MDFIC2: variants seen among roughly 807,000 people sequenced by gnomAD.
The protein encoded by MDFIC2 is MyoD family inhibitor domain containing 2, also known as myoD family inhibitor domain-containing protein 2.
chr3:70,270,304 A>T (rs759883568), intron 2 of MDFIC2, among the ~76,000 whole-genome samples: 84 of 152,346 alleles, frequency 5.5e-4, no homozygotes, highest in Non-Finnish European at 1.0e-3. Context: ...AAGCATGGGA[A>T]ATAAATAAAA....
intron 2 of MDFIC2, among the ~76,000 whole-genome samples, chr3:70,243,458 A>G (rs1701679406): frequency 6.6e-6 from 1 of 152,106 alleles, no homozygotes; most frequent in South Asian, 2.1e-4. Flanking sequence ...AGTTGCTTAA[A>G]TCCTACTCAC....
At chr3:70,266,543 G>C (rs1325505001) in intron 2 of MDFIC2, among the ~76,000 whole-genome samples, 5 of 152,032 alleles carry the variant, frequency 3.3e-5, no homozygotes, top group Non-Finnish European at 5.9e-5. Context: ...TCCTGCCTCA[G>C]CCTCCCGAGT....
intron 2 of MDFIC2, among the ~76,000 whole-genome samples, chr3:70,252,904 AC>A (rs1326461095): frequency 6.6e-6 from 1 of 151,834 alleles, no homozygotes; most frequent in East Asian, 1.9e-4. Flanking sequence ...ACATCGTGAA[AC>A]CCCCTCTCTA....
intron 2 of MDFIC2, among the ~76,000 whole-genome samples, chr3:70,304,346 C>A (rs534877446): frequency 6.6e-6 from 1 of 152,320 alleles, no homozygotes; most frequent in South Asian, 2.1e-4. Context: ...AATCTCAAGA[C>A]TTCTCTTGTC....
intron 2 of MDFIC2, among the ~76,000 whole-genome samples, chr3:70,221,667 A>G (rs1435660654): frequency 1.6e-4 from 24 of 152,160 alleles, no homozygotes; most frequent in East Asian, 1.9e-4. Flanking sequence ...ATGACAAGTG[A>G]CTGGTCAATG....
At chr3:70,238,762 G>A (rs907543664) in intron 2 of MDFIC2, among the ~76,000 whole-genome samples, 1 of 151,892 alleles carries the variant, frequency 6.6e-6, no homozygotes, top group Non-Finnish European at 1.5e-5. Context: ...GTCTCCATCT[G>A]GACATCCTAG....
At chr3:70,283,596 T>A (rs1385374117) in intron 2 of MDFIC2, 4 of 152,076 alleles carry the variant, frequency 2.6e-5, no homozygotes, top group Non-Finnish European at 4.4e-5. Context: ...CTTGGTTGTG[T>A]CCACCACCTA....
At chr3:70,274,763 T>C (rs980707408) in intron 2 of MDFIC2, among the ~76,000 whole-genome samples, 3 of 152,076 alleles carry the variant, frequency 2.0e-5, no homozygotes, top group Non-Finnish European at 4.4e-5. Flanking sequence ...TTAAAACAAA[T>C]ATAAAAATAT....
At chr3:70,234,511 T>C (rs560445101) in intron 2 of MDFIC2, among the ~76,000 whole-genome samples, 1 of 152,102 alleles carries the variant, frequency 6.6e-6, no homozygotes, top group Admixed American at 6.5e-5. Context: ...CAGCCAGGCA[T>C]GGTGGCATGC....
chr3:70,197,989 T>A (rs748482450), intron 3 of MDFIC2, among the ~76,000 whole-genome samples: 7 of 152,180 alleles, frequency 4.6e-5, no homozygotes, highest in Admixed American at 2.0e-4. Context: ...GGTTATAGAT[T>A]ATTATGTTTT....
intron 2 of MDFIC2, among the ~76,000 whole-genome samples, chr3:70,220,886 G>C (rs1701455954): frequency 6.6e-6 from 1 of 152,162 alleles, no homozygotes; most frequent in Non-Finnish European, 1.5e-5. Flanking sequence ...TCAGGGAGGG[G>C]AACCATGCCT....
chr3:70,301,245 TA>T, intron 2 of MDFIC2, among the ~76,000 whole-genome samples: 1 of 152,192 alleles, frequency 6.6e-6, no homozygotes, highest in South Asian at 2.1e-4. Context: ...CTGAGTCCAT[TA>T]AAAACAAAAC....
At chr3:70,247,139 C>T (rs1341915914) in intron 2 of MDFIC2, among the ~76,000 whole-genome samples, 1 of 151,802 alleles carries the variant, frequency 6.6e-6, no homozygotes, top group Non-Finnish European at 1.5e-5. Context: ...TGAATTTATT[C>T]TTGGCCATTG....
intron 2 of MDFIC2, among the ~76,000 whole-genome samples, chr3:70,302,017 G>A (rs555033306): frequency 9.5e-4 from 144 of 152,142 alleles, no homozygotes; most frequent in African/African-American, 3.4e-3. Context: ...ATATTGGTGT[G>A]GAAATTTAGC....
intron 2 of MDFIC2, among the ~76,000 whole-genome samples, chr3:70,209,275 G>C (rs1701319486): frequency 6.6e-6 from 1 of 151,998 alleles, no homozygotes; most frequent in African/African-American, 2.4e-5. Flanking sequence ...GATGCTAGTA[G>C]CACCTGACCC....
At chr3:70,295,638 G>A (rs1468581015) in intron 2 of MDFIC2, among the ~76,000 whole-genome samples, 1 of 152,114 alleles carries the variant, frequency 6.6e-6, no homozygotes, top group African/African-American at 2.4e-5. Flanking sequence ...CCTGCAGTGA[G>A]CTGTGATTGT....
At chr3:70,297,931 T>C (rs1376261984) in intron 2 of MDFIC2, among the ~76,000 whole-genome samples, 2 of 152,144 alleles carry the variant, frequency 1.3e-5, no homozygotes, top group Admixed American at 6.6e-5. Context: ...TTAAAGCTTT[T>C]AGAGAGTGGT....
chr3:70,287,170 TTCAG>T (rs1702174662), intron 2 of MDFIC2, among the ~76,000 whole-genome samples: 1 of 137,832 alleles, frequency 7.3e-6, no homozygotes, highest in African/African-American at 2.8e-5. Flanking sequence ...TTTTTGCCCA[TTCAG>T]TATGATATTG....
chr3:70,222,342 T>G (rs2106737678), intron 2 of MDFIC2, among the ~76,000 whole-genome samples: 1 of 152,334 alleles, frequency 6.6e-6, no homozygotes, highest in South Asian at 2.1e-4. Context: ...ACTACTCATT[T>G]TAGCTCATTG....
Sources: allele counts gnomAD v4.1 joint callset (sites outside exome capture counted in the v4.1 genomes callset), GRCh38; gene constraint gnomAD v4.1.1; transcripts MANE v1.5; gene names NCBI Gene and HGNC (gene_info 2026-07-23, HGNC 2026-07-21).